Variants in NPNT observed in about 807,000 individuals in gnomAD.
NPNT encodes the protein preosteoblast EGF-like repeat protein with MAM domain.
In NPNT, 45 loss-of-function variants were observed where a neutral mutation model predicts 68.6. That is an observed-to-expected ratio of 0.66 (90% confidence interval 0.52 to 0.84). The LOEUF is 0.84. NPNT is among the 40% of genes least tolerant of loss of function. The pLI is 0.00. For missense variants in NPNT, 672 were observed against 714.8 expected (o/e 0.94, Z 0.68); for synonymous variants, 233 against 253.3 (o/e 0.92, Z 0.76).
In NPNT at chr4:105,911,008, ACGGTAT is replaced by A. The variant is rs574139843; in HGVS notation, c.172+13009_172+13014del. Among the ~76,000 whole-genome samples the A allele has an allele frequency of 2.3e-4, 35 of 152,240 alleles. No homozygotes were observed. The East Asian group carries it at 6.7e-3, about 29-fold the overall frequency. On this transcript the variant is annotated intron_variant, in intron 2 of 11. Coordinates refer to ENST00000379987, the MANE Select transcript of NPNT (RefSeq NM_001033047.3). Reference sequence around the variant, plus strand: ...TTGGCAATTAAAGAATATTAAAGAAACGGTATCCTTTTATATTTTTTCTGTCTCATA... The same window carrying A: ...TTGGCAATTAAAGAATATTAAAGAAACCTTTTATATTTTTTCTGTCTCATA...
chr4:105,940,599 T>C lies in NPNT; in HGVS notation c.726T>C (p.Cys242=). 3 of 1,613,438 alleles carry C rather than the reference T, an allele frequency of 1.9e-6. No homozygotes were observed. Among genetic ancestry groups the C allele is most frequent in the Non-Finnish European group, 2.5e-6 (3 of 1,179,478 alleles). ...YNIRGSYKCK[C]KEGYQGDGLT... is the part of the protein sequence containing the mutation. ...TACGTGGGTCCTACAAGTGCAAATGTAAAGAAGGATACCAGGGTGATGGAC... is the reference window on the plus strand; with the variant it reads ...TACGTGGGTCCTACAAGTGCAAATGCAAAGAAGGATACCAGGGTGATGGAC... The change falls in exon 7 of 12, where the codon TGT becomes TGC. Residue 242 remains cysteine, a synonymous_variant. Coordinates refer to ENST00000379987, the MANE Select transcript of NPNT (RefSeq NM_001033047.3).
At chr4:105,948,885 A>G (rs1730591647) in intron 8 of NPNT, among the ~76,000 whole-genome samples, 1 of 152,142 alleles carries the variant, frequency 6.6e-6, no homozygotes, top group South Asian at 2.1e-4. Flanking sequence ...GGCATGAACC[A>G]CTGCACCCAG....
At chr4:105,941,667 A>G (rs1366164214) in intron 7 of NPNT, among the ~76,000 whole-genome samples, 9 of 152,244 alleles carry the variant, frequency 5.9e-5, no homozygotes, top group Admixed American at 5.9e-4. Flanking sequence ...GAAGATTATC[A>G]AGGAAAAAGA....
chr4:105,965,776 C>T (rs561008739), intron 10 of NPNT, among the ~76,000 whole-genome samples: 5 of 152,182 alleles, frequency 3.3e-5, no homozygotes, highest in Non-Finnish European at 7.3e-5. Context: ...GATTCAAGTA[C>T]GTGAATCAAG....
intron 8 of NPNT, among the ~76,000 whole-genome samples, chr4:105,951,488 A>G (rs1040643695): frequency 6.6e-6 from 1 of 152,184 alleles, no homozygotes; most frequent in African/African-American, 2.4e-5. Flanking sequence ...TCATGGAAAT[A>G]TTATGGTCTT....
chr4:105,935,886 ATAGAT>A (rs1729453995), intron 3 of NPNT, among the ~76,000 whole-genome samples: 1 of 152,222 alleles, frequency 6.6e-6, no homozygotes, highest in Non-Finnish European at 1.5e-5. Flanking sequence ...TCAGATTGAA[ATAGAT>A]TAGATTTGAA....
At chr4:105,953,066 T>C (rs1474095877) in intron 8 of NPNT, among the ~76,000 whole-genome samples, 1 of 152,080 alleles carries the variant, frequency 6.6e-6, no homozygotes, top group African/African-American at 2.4e-5. Context: ...CTCGAGAGGC[T>C]GAGACAGGAG....
chr4:105,914,842 G>C (rs1355909159), intron 2 of NPNT, among the ~76,000 whole-genome samples: 2 of 152,196 alleles, frequency 1.3e-5, no homozygotes, highest in East Asian at 3.9e-4. Flanking sequence ...TCTCAACCCA[G>C]CATATGTGGG....
At chr4:105,905,221 CT>C (rs1470880448) in intron 2 of NPNT, among the ~76,000 whole-genome samples, 2 of 152,012 alleles carry the variant, frequency 1.3e-5, no homozygotes, top group Admixed American at 6.6e-5. Flanking sequence ...TTGTAGTGTC[CT>C]TAAAACCATA....
intron 10 of NPNT, among the ~76,000 whole-genome samples, chr4:105,964,281 A>G (rs1424993037): frequency 6.6e-6 from 1 of 152,218 alleles, no homozygotes; most frequent in Non-Finnish European, 1.5e-5. Flanking sequence ...ACCACAATGT[A>G]TTTAGCCAGC....
intron 11 of NPNT, among the ~76,000 whole-genome samples, chr4:105,967,782 T>C (rs1732290238): frequency 6.6e-6 from 1 of 152,130 alleles, no homozygotes; most frequent in African/African-American, 2.4e-5. Flanking sequence ...GTGAGCTTAA[T>C]TGTTCCTGCT....
chr4:105,924,375 T>C (rs1350857394), intron 2 of NPNT, among the ~76,000 whole-genome samples: 1 of 152,248 alleles, frequency 6.6e-6, no homozygotes, highest in African/African-American at 2.4e-5. Context: ...TATAGGAGAA[T>C]ATCTTTTTGT....
In NPNT at chr4:105,947,659, A is replaced by G. The variant is rs538564552; in HGVS notation, c.1159+4957A>G. ...ATGTACTCAAAGACACTTTCAGGAG[A>G]TGACTCACTCTTCGCTGGGCCCAAT... is the stretch of plus-strand genomic sequence containing the variant. On this transcript the variant is annotated intron_variant, in intron 8 of 11. Coordinates refer to ENST00000379987, the MANE Select transcript of NPNT (RefSeq NM_001033047.3). 4.8e-4 allele frequency among the ~76,000 whole-genome samples: 73 copies of G among 152,264 alleles called. 1 individual carries two copies. The highest frequency in any genetic ancestry group is 2.7e-3 in the Admixed American group (41 of 15,286).
At chr4:105,938,726 C>T (rs961570660) in intron 5 of NPNT, among the ~76,000 whole-genome samples, 6 of 152,128 alleles carry the variant, frequency 3.9e-5, no homozygotes, top group African/African-American at 1.2e-4. Flanking sequence ...AGAATGTAAG[C>T]GGCAAGGGTG....
chr4:105,935,398 G>A (rs1729421959), intron 3 of NPNT, among the ~76,000 whole-genome samples: 1 of 152,192 alleles, frequency 6.6e-6, no homozygotes, highest in African/African-American at 2.4e-5. Flanking sequence ...CCTCTTAGAA[G>A]ATGAGAAAAG....
At chr4:105,905,960 A>G (rs1726857875) in intron 2 of NPNT, among the ~76,000 whole-genome samples, 1 of 152,222 alleles carries the variant, frequency 6.6e-6, no homozygotes, top group Non-Finnish European at 1.5e-5. Context: ...AAGATAAATT[A>G]AATTGATTTC....
chr4:105,911,620 A>C (rs1261190551), intron 2 of NPNT: 2 of 153,626 alleles, frequency 1.3e-5, no homozygotes, highest in Non-Finnish European at 2.9e-5. Flanking sequence ...TCTTGTTGCT[A>C]TTGACAACCA....
In NPNT at chr4:105,969,875, A is replaced by T. The variant is rs978247072; in HGVS notation, c.*885A>T. On this transcript the variant is annotated 3_prime_UTR_variant, in exon 12 of 12. Transcript: ENST00000379987. ...TCTCTGCAAAGGATAGGAAACCTTT[A>T]GGAAGACAAGAAACTGCAGTTAATT... 4 of 153,540 alleles carry T rather than the reference A, an allele frequency of 2.6e-5. No homozygotes were observed. Among genetic ancestry groups the T allele is most frequent in the African/African-American group, 9.7e-5 (4 of 41,442 alleles). The allele number at this position is 153,540 out of a possible 1,614,324, so 9.5% of individuals were successfully genotyped here.
At chr4:105,942,134 T>TAG (rs752214073) in intron 7 of NPNT, among the ~76,000 whole-genome samples, 173 bp from the exon 8 acceptor site, 1,816 of 13,408 alleles carry the variant, frequency 0.14, 33 homozygotes, top group African/African-American at 0.24. Context: ...TATATATATA[T>TAG]ATACACACAT....
Sources: gnomAD v4.1 joint callset for allele counts (sites outside exome capture counted in the v4.1 genomes callset) on GRCh38, gnomAD v4.1.1 for gene constraint, MANE v1.5 for transcripts, NCBI Gene and HGNC (gene_info 2026-07-23, HGNC 2026-07-21) for gene names.